The following STOX2 variants were observed in gnomAD, a reference collection of about 807,000 sequenced individuals.
The protein encoded by STOX2 is storkhead-box protein 2.
STOX2 carries 28 observed loss-of-function variants against 60.9 expected under a neutral mutation model. That is an observed-to-expected ratio of 0.46 (90% CI 0.34 to 0.63). The LOEUF (loss-of-function observed/expected upper bound fraction) is 0.63. STOX2 is among the 30% of genes least tolerant of loss of function. STOX2 has a pLI of 0.01. For synonymous variants in STOX2, 472 were observed against 463.9 expected (o/e 1.02, Z -0.22); for missense variants, 1,024 against 1,187.7 (o/e 0.86, Z 2.03).
At chr4:183,838,673 T>C (rs1739773227) in intron 1 of STOX2, among the ~76,000 whole-genome samples, 1 of 152,254 alleles carries the variant, frequency 6.6e-6, no homozygotes, top group African/African-American at 2.4e-5. Flanking sequence ...GTAATGCTCT[T>C]GCTCAAAACT....
At chr4:183,798,290 G>A (rs1738676564) in intron 1 of STOX2, among the ~76,000 whole-genome samples, 1 of 151,068 alleles carries the variant, frequency 6.6e-6, no homozygotes, top group South Asian at 2.1e-4. Flanking sequence ...GCCCCCGCCT[G>A]CCCGCGGGAG....
chr4:183,940,425 T>C (rs1249375483), intron 1 of STOX2, among the ~76,000 whole-genome samples: 1 of 152,212 alleles, frequency 6.6e-6, no homozygotes, highest in East Asian at 1.9e-4. Flanking sequence ...ATAAGCCCGG[T>C]TACTCCGGGG....
intron 1 of STOX2, among the ~76,000 whole-genome samples, chr4:183,891,361 TATATATA>T (rs1741209348): frequency 1.5e-3 from 2 of 1,328 alleles, no homozygotes; most frequent in African/African-American, 2.0e-3. Context: ...ATGGAATTTA[TATATATA>T]TATATATATA....
intron 1 of STOX2, among the ~76,000 whole-genome samples, chr4:183,819,054 TTC>T (rs1215762172): frequency 3.8e-4 from 57 of 149,108 alleles, no homozygotes; most frequent in African/African-American, 1.2e-3. Context: ...GCTCCTCACT[TTC>T]CAGACTGGGC....
At position 184,011,964 on chromosome 4, in the gene STOX2, C is replaced by A. The variant is rs1407587382; in HGVS notation, c.2585+541C>A. 6.6e-6 allele frequency among the ~76,000 whole-genome samples: 1 copy of A among 152,190 alleles called. No homozygotes were observed. The highest frequency in any genetic ancestry group is 1.5e-5 in the Non-Finnish European group (1 of 68,030). ...GCAGCCTGTCCCTCTGGCTCACACA[C>A]CTTCCTTTCACTGCCAAGAAATGGA... On this transcript the variant is annotated intron_variant, in intron 3 of 3. Transcript: ENST00000308497. This position sits in a 1 kb window ranked among gnomAD's most constrained non-coding sequence, Gnocchi z 4.4.
At chr4:184,005,474 A>AAAAAAAAAAAAAC (rs58443213) in intron 2 of STOX2, among the ~76,000 whole-genome samples, 9 of 120,122 alleles carry the variant, frequency 7.5e-5, no homozygotes, top group Non-Finnish European at 1.0e-4. Flanking sequence ...AAAAAAAAAA[A>AAAAAAAAAAAAAC]AATTCATAGG....
rs370276190 is a variant in STOX2, at chr4:184,011,260, C to T, written c.2422C>T (p.Arg808Trp). 45 of 1,613,336 alleles carry T rather than the reference C, an allele frequency of 2.8e-5. No homozygotes were observed. The highest frequency in any genetic ancestry group is 1.6e-4 in the African/African-American group (12 of 74,886). The change falls in exon 3 of 4, where the codon CGG becomes TGG. Residue 808 changes from arginine to tryptophan, a missense_variant. By Grantham distance (101) the Arg-to-Trp change is moderately radical. Around this residue, in one of 3 missense-constraint regions of STOX2, gnomAD observed 922 missense variants for 1,058.3 expected, o/e 0.87. Coordinates refer to ENST00000308497, the MANE Select transcript of STOX2 (RefSeq NM_020225.3). The surrounding 1 kb of genome is among the most constrained non-coding windows in gnomAD (Gnocchi z 4.4). ...DVGTMQWLLE[R>W]EKERDLQRKF... ...AGGCACCATGCAGTGGCTCCTCGAG[C>T]GGGAGAAGGAAAGAGACTTGCAGAG...
chr4:183,981,143 C>CT (rs1343198965), intron 1 of STOX2, among the ~76,000 whole-genome samples: 9 of 152,208 alleles, frequency 5.9e-5, no homozygotes, highest in Non-Finnish European at 1.2e-4. Flanking sequence ...GGGCCATACA[C>CT]TGGCAGGTTT....
intron 1 of STOX2, among the ~76,000 whole-genome samples, chr4:183,930,878 T>G (rs1215395567): frequency 6.6e-6 from 1 of 152,234 alleles, no homozygotes; most frequent in East Asian, 1.9e-4. Flanking sequence ...GAATCTTATG[T>G]GGTTTCTACA....
intron 1 of STOX2, among the ~76,000 whole-genome samples, chr4:183,869,383 G>A (rs967921339): frequency 5.3e-5 from 8 of 152,124 alleles, no homozygotes; most frequent in African/African-American, 1.9e-4. Context: ...CTTTTTTAAA[G>A]CTCTTTTTTT....
At position 184,009,736 on chromosome 4, in the gene STOX2, G is replaced by A. The variant is rs1395066454; in HGVS notation, c.898G>A (p.Glu300Lys). The A allele has an allele frequency of 6.2e-7, 1 of 1,613,634 alleles. No homozygotes were observed. Among genetic ancestry groups the A allele is most frequent in the South Asian group, 1.1e-5 (1 of 90,952 alleles). ...FPPEEWPLRD[E>K]DTPATIPREV... is the part of the protein sequence containing the mutation. ...TCCTGAAGAGTGGCCCCTGCGAGAC[G>A]AGGACACGCCAGCTACGATCCCTCG... The change falls in exon 3 of 4, where the codon GAG becomes AAG. Residue 300 changes from glutamate to lysine, a missense_variant. Physicochemically the swap from Glu to Lys is moderately conservative, Grantham distance 56. This residue lies in a region of STOX2 where 922 missense variants were observed against 1,058.3 expected (regional missense o/e 0.87). Transcript: ENST00000308497. This position sits in a 1 kb window ranked among gnomAD's most constrained non-coding sequence, Gnocchi z 4.0.
At chr4:183,884,844 C>T (rs1391456387) in intron 1 of STOX2, among the ~76,000 whole-genome samples, 1 of 152,068 alleles carries the variant, frequency 6.6e-6, no homozygotes, top group Non-Finnish European at 1.5e-5. Flanking sequence ...AGAGTGGGAT[C>T]CCGGGAGTGA....
chr4:183,840,900 C>T (rs1054063049), intron 1 of STOX2, among the ~76,000 whole-genome samples: 6 of 152,342 alleles, frequency 3.9e-5, no homozygotes, highest in South Asian at 2.1e-4. Context: ...CAGGGTCTCA[C>T]TCTGTTGCCC....
chr4:183,978,327 A>G (rs918908927), intron 1 of STOX2, among the ~76,000 whole-genome samples: 1 of 151,946 alleles, frequency 6.6e-6, no homozygotes, highest in African/African-American at 2.4e-5. Context: ...TGGCTTTCCA[A>G]TTTTTCCAGC....
rs146914991 is a variant in STOX2 at position 183,989,854 on chromosome 4, A to G, written c.167-11471A>G. 6.5e-4 allele frequency among the ~76,000 whole-genome samples: 99 copies of G among 152,324 alleles called. 1 individual carries two copies. The East Asian group carries it at 0.018, about 28-fold the overall frequency. On this transcript the variant is annotated intron_variant, in intron 1 of 3. Coordinates refer to ENST00000308497, the MANE Select transcript of STOX2 (RefSeq NM_020225.3). The stretch of plus-strand genomic sequence containing the variant: ...AGTGAGACTTGGCACATCTGAAAGC[A>G]TGGCTTTACCCCCTCATCACATGGA...
At position 183,906,593 on chromosome 4, in the gene STOX2, G is replaced by C; in HGVS notation, c.-198G>C. The C allele has an allele frequency of 1.8e-6, 1 of 565,122 alleles. No individual in the cohort carries two copies. Among genetic ancestry groups the C allele is most frequent in the Non-Finnish European group, 3.1e-6 (1 of 323,556 alleles). 35.0% of individuals were successfully genotyped at this position (565,122 alleles called of 1,614,324 possible). A position where few individuals can be genotyped will look rare whatever the true frequency, so the allele number is the denominator to read the frequency against. On this transcript the variant is annotated 5_prime_UTR_variant, in exon 1 of 4. Coordinates refer to ENST00000308497, the MANE Select transcript of STOX2 (RefSeq NM_020225.3). ...TGCATTGTGGGACGTGTGTAAAATCGGAGCCTTCGCCGTGGGGGTGTGGGG... is the reference window on the plus strand; with the variant it reads ...TGCATTGTGGGACGTGTGTAAAATCCGAGCCTTCGCCGTGGGGGTGTGGGG...
chr4:183,919,561 C>T (rs778897735), intron 1 of STOX2, among the ~76,000 whole-genome samples: 1 of 152,138 alleles, frequency 6.6e-6, no homozygotes, highest in Non-Finnish European at 1.5e-5. Flanking sequence ...GAAAAGGGGC[C>T]TCTTTACCCT....
intron 1 of STOX2, among the ~76,000 whole-genome samples, chr4:183,922,093 T>C (rs1451627713): frequency 6.6e-6 from 1 of 152,228 alleles, no homozygotes; most frequent in African/African-American, 2.4e-5. Flanking sequence ...GAGATTTGAT[T>C]AGTAAACTAC....
At chr4:184,008,149 T>C (rs1230429131) in intron 2 of STOX2, among the ~76,000 whole-genome samples, 1 of 152,230 alleles carries the variant, frequency 6.6e-6, no homozygotes, top group Non-Finnish European at 1.5e-5. Context: ...TGACTCAAGC[T>C]GACCGATTTC....
Sources: allele counts gnomAD v4.1 joint callset (sites outside exome capture counted in the v4.1 genomes callset), GRCh38; gene constraint gnomAD v4.1.1; regional missense constraint gnomAD v4.1.1; non-coding constraint Gnocchi (gnomAD v3.1); transcripts MANE v1.5; gene names NCBI Gene and HGNC (gene_info 2026-07-23, HGNC 2026-07-21).